The following LRFN5 variants were observed in gnomAD, a reference collection of about 807,000 sequenced individuals.
The protein encoded by LRFN5 is leucine rich repeat and fibronectin type III domain containing 5, also known as leucine-rich repeat and fibronectin type-III domain-containing protein 5.
Under a neutral mutation model 45.6 loss-of-function variants are expected in LRFN5, and 24 were observed. The ratio of observed to expected loss-of-function variants is 0.53; its 90% CI spans 0.38 to 0.74. The LOEUF is 0.74. LRFN5 is among the 30% of genes least tolerant of loss of function. The probability of loss-of-function intolerance (pLI) is 0.00; values close to 1 mark genes in which losing one functional copy is unlikely to be tolerated. For missense variants in LRFN5, 776 were observed against 861.5 expected, an observed-to-expected ratio of 0.90 and a Z score of 1.24; for synonymous variants, 340 against 313.8, an observed-to-expected ratio of 1.08 and a Z score of -0.88.
intron 1 of LRFN5, among the ~76,000 whole-genome samples, chr14:41,618,976 C>A (rs535762346): frequency 6.6e-6 from 1 of 151,960 alleles, no homozygotes; most frequent in Admixed American, 6.6e-5. Context: ...TTTGATTTGC[C>A]TAATTTATAA....
rs199536784 is a variant in LRFN5 at position 41,886,630 on chromosome 14, A to C, written c.5A>C (p.Glu2Ala). The C allele has an allele frequency of 1.0e-4, 164 of 1,574,978 alleles. No homozygotes were observed. The highest frequency in any genetic ancestry group is 1.8e-4 in the Admixed American group (9 of 50,364). Residue 2 changes from glutamate to alanine, a missense_variant, in exon 3 of 6, where the codon GAA (glutamate) becomes GCA (alanine). Physicochemically the swap from Glu to Ala is moderately radical, Grantham distance 107 (BLOSUM62 -1). Coordinates refer to ENST00000298119, the MANE Select transcript of LRFN5 (RefSeq NM_152447.5). ...GGCTCTTAAACCTGATCTACAATGG[A>C]AAAAATTCTTTTTTATCTGTTTCTC... The part of the protein sequence containing the change: M[E>A]KILFYLFLIG...
intron 1 of LRFN5, chr14:41,699,699 A>T (rs1026158434): frequency 6.6e-6 from 1 of 152,038 alleles, no homozygotes; most frequent in Non-Finnish European, 1.5e-5. Flanking sequence ...CGTGGAAGAG[A>T]TTGTTACAGG....
chr14:41,721,360 A>T (rs1228708548), intron 1 of LRFN5, among the ~76,000 whole-genome samples: 1 of 152,116 alleles, frequency 6.6e-6, no homozygotes, highest in Non-Finnish European at 1.5e-5. Flanking sequence ...GGGCATTTAG[A>T]TCATTCACAT....
chr14:41,670,352 A>C (rs1881144947), intron 1 of LRFN5, among the ~76,000 whole-genome samples: 1 of 143,264 alleles, frequency 7.0e-6, no homozygotes, highest in Admixed American at 7.0e-5. Flanking sequence ...ATATTATTAA[A>C]GGTGATACAT....
intron 1 of LRFN5, among the ~76,000 whole-genome samples, chr14:41,669,726 G>A (rs1043053456): frequency 4.0e-5 from 6 of 151,764 alleles, no homozygotes; most frequent in African/African-American, 9.7e-5. Flanking sequence ...CAGTTCTATC[G>A]TTGCATATGC....
At chr14:41,870,122 T>C (rs1453474895) in intron 2 of LRFN5, among the ~76,000 whole-genome samples, 1 of 152,114 alleles carries the variant, frequency 6.6e-6, no homozygotes, top group Admixed American at 6.6e-5. Context: ...ATTGGCCTGG[T>C]TGAGTTTTCA....
At chr14:41,842,754 A>G (rs1031462508) in intron 2 of LRFN5, among the ~76,000 whole-genome samples, 1 of 152,104 alleles carries the variant, frequency 6.6e-6, no homozygotes, top group African/African-American at 2.4e-5. Flanking sequence ...TAATTAATCT[A>G]CATCTTATCT....
At chr14:41,746,642 C>T (rs1016337267) in intron 1 of LRFN5, among the ~76,000 whole-genome samples, 1 of 151,878 alleles carries the variant, frequency 6.6e-6, no homozygotes. Context: ...TATTCACCTA[C>T]TGTGTACTCA....
chr14:41,664,544 C>A (rs1050416573), intron 1 of LRFN5, among the ~76,000 whole-genome samples: 1 of 151,836 alleles, frequency 6.6e-6, no homozygotes, highest in Non-Finnish European at 1.5e-5. Flanking sequence ...TGCCTATAAT[C>A]CCAGTGCTTT....
At chr14:41,822,024 G>A (rs562286748) in intron 2 of LRFN5, among the ~76,000 whole-genome samples, 4 of 151,746 alleles carry the variant, frequency 2.6e-5, no homozygotes, top group Non-Finnish European at 4.4e-5. Flanking sequence ...TTTCAACTTT[G>A]ATTGTGCTTA....
At chr14:41,625,072 A>G (rs1253452439) in intron 1 of LRFN5, among the ~76,000 whole-genome samples, 1 of 152,086 alleles carries the variant, frequency 6.6e-6, no homozygotes, top group Non-Finnish European at 1.5e-5. Flanking sequence ...AGATTGCTTT[A>G]TTATCTTCAT....
intron 1 of LRFN5, among the ~76,000 whole-genome samples, chr14:41,678,275 C>CATATAT (rs545639673): frequency 6.6e-6 from 1 of 151,176 alleles, no homozygotes; most frequent in African/African-American, 2.4e-5. Context: ...TATACATATA[C>CATATAT]ATATATATAT....
chr14:41,756,430 A>T (rs1486028140), intron 1 of LRFN5, among the ~76,000 whole-genome samples: 1 of 152,176 alleles, frequency 6.6e-6, no homozygotes, highest in African/African-American at 2.4e-5. Context: ...ACCTTTTCAC[A>T]TAGTCCCATA....
At chr14:41,745,569 AAG>A (rs1401850873) in intron 1 of LRFN5, among the ~76,000 whole-genome samples, 2 of 152,022 alleles carry the variant, frequency 1.3e-5, no homozygotes, top group African/African-American at 2.4e-5. Flanking sequence ...ATAGTAAAAT[AAG>A]AGAGAACATT....
In LRFN5 at chr14:41,781,578, A is replaced by AAGAAAGAAAGAAAGAAAGAAAG. The variant is rs1886497026; in HGVS notation, c.-21+14551_-21+14572dup. On this transcript the variant is annotated intron_variant, in intron 2 of 5. Coordinates refer to ENST00000298119, the MANE Select transcript of LRFN5 (RefSeq NM_152447.5). ...AGAAAGAGAAAGAAAGAAAGAAAGA[A>AAGAAAGAAAGAAAGAAAGAAAG]AGAAAGAAAGAAAGAAAGAAAGAAA... Among the ~76,000 whole-genome samples, 7 of 114,510 alleles carry AAGAAAGAAAGAAAGAAAGAAAG rather than the reference A, an allele frequency of 6.1e-5. No homozygotes were observed. The East Asian group carries it at 1.9e-3, about 30-fold the overall frequency. The allele number at this position is 114,510 out of a possible 152,430, so 75.1% of individuals were successfully genotyped here. A position where few individuals can be genotyped will look rare whatever the true frequency, so the allele number is the denominator to read the frequency against.
At chr14:41,674,274 G>A (rs1313712403) in intron 1 of LRFN5, among the ~76,000 whole-genome samples, 8 of 135,352 alleles carry the variant, frequency 5.9e-5, no homozygotes, top group African/African-American at 2.2e-4. Flanking sequence ...CAGTAGGGGC[G>A]GCCGGGCAGA....
rs143267199 is a variant in LRFN5, at chr14:41,750,954, T to C, written c.-196-15900T>C. 9.1e-3 allele frequency among the ~76,000 whole-genome samples: 1,384 copies of C among 152,268 alleles called. 33 individuals carry two copies. Among genetic ancestry groups the C allele is most frequent in the African/African-American group, 0.03 (1,254 of 41,544 alleles). The stretch of plus-strand genomic sequence containing the variant: ...CATCATCTACATTAGGTATTTCTCC[T>C]AATGCTATCCCTCCCTCAGCCCCCT... On this transcript the variant is annotated intron_variant, in intron 1 of 5. Transcript: ENST00000298119.
chr14:41,622,120 C>T (rs1470373237), intron 1 of LRFN5, among the ~76,000 whole-genome samples: 1 of 135,788 alleles, frequency 7.4e-6, no homozygotes, highest in Admixed American at 7.8e-5. Flanking sequence ...TTTCTCTTTC[C>T]ATCCCTCTTT....
Position 41,877,135 on chromosome 14 carries a change from TTTG to T in LRFN5, c.-20-9468_-20-9466del, listed in dbSNP as rs1229564999. 5.3e-5 allele frequency among the ~76,000 whole-genome samples: 8 copies of T among 152,292 alleles called. No homozygotes were observed. The East Asian group carries it at 1.5e-3, about 29-fold the overall frequency. ...GTCTCTCTCTCTCTTAAAACTGCCT[TTTG>T]TTTACTTTCTATACGACTGTGAGAA... On this transcript the variant is annotated intron_variant, in intron 2 of 5. Transcript: ENST00000298119.
Sources: allele counts gnomAD v4.1 joint callset (sites outside exome capture counted in the v4.1 genomes callset), GRCh38; gene constraint gnomAD v4.1.1; transcripts MANE v1.5; gene names NCBI Gene and HGNC (gene_info 2026-07-23, HGNC 2026-07-21).